Variants in GNAO1 observed in about 807,000 individuals in gnomAD.
GNAO1 encodes G protein subunit alpha o1.
For missense variants in GNAO1, 166 were observed against 478.7 expected, an observed-to-expected ratio of 0.35 and a Z score of 6.10; for synonymous variants, 164 against 180.7, an observed-to-expected ratio of 0.91 and a Z score of 0.74.
intron 4 of GNAO1, among the ~76,000 whole-genome samples, chr16:56,334,235 C>T (rs1406502872): frequency 6.6e-6 from 1 of 152,232 alleles, no homozygotes; most frequent in African/African-American, 2.4e-5. Flanking sequence ...TCAGGGGCCG[C>T]TGAAGCCCCA....
intron 2 of GNAO1, among the ~76,000 whole-genome samples, chr16:56,246,427 G>A (rs868399327): frequency 1.1e-4 from 16 of 152,212 alleles, no homozygotes; most frequent in African/African-American, 3.6e-4. Flanking sequence ...CCCGTTCACA[G>A]AAACACGGAT....
intron 6 of GNAO1, chr16:56,340,883 A>G (rs774390471): frequency 1.9e-6 from 3 of 1,613,976 alleles, no homozygotes; most frequent in Admixed American, 1.7e-5. Flanking sequence ...TGCAACAACA[A>G]ATGGTTCACA....
At chr16:56,247,201 A>G (rs1056213128) in intron 2 of GNAO1, among the ~76,000 whole-genome samples, 3 of 152,224 alleles carry the variant, frequency 2.0e-5, no homozygotes, top group African/African-American at 7.2e-5. Context: ...CCATCCAGGC[A>G]GAACAGAACT....
At chr16:56,298,965 G>A (rs1272310657) in intron 3 of GNAO1, among the ~76,000 whole-genome samples, 4 of 151,916 alleles carry the variant, frequency 2.6e-5, no homozygotes, top group Non-Finnish European at 4.4e-5. Context: ...ATATAAGGAC[G>A]GGGTGTCATG....
chr16:56,213,965 A>T (rs970399026), intron 2 of GNAO1, among the ~76,000 whole-genome samples: 1 of 151,986 alleles, frequency 6.6e-6, no homozygotes, highest in Non-Finnish European at 1.5e-5. Context: ...GGGCATTCAG[A>T]CTGTGTTATT....
At chr16:56,228,543 G>GA (rs2036556546) in intron 2 of GNAO1, among the ~76,000 whole-genome samples, 1 of 152,054 alleles carries the variant, frequency 6.6e-6, no homozygotes, top group Non-Finnish European at 1.5e-5. Flanking sequence ...ATCATAACTA[G>GA]AAATGTGATG....
At chr16:56,233,954 G>C (rs2036613891) in intron 2 of GNAO1, among the ~76,000 whole-genome samples, 2 of 152,322 alleles carry the variant, frequency 1.3e-5, no homozygotes, top group South Asian at 2.1e-4. Flanking sequence ...CCCAGATGCT[G>C]TGCTGACCCG....
chr16:56,228,010 A>G (rs140719915), intron 2 of GNAO1, among the ~76,000 whole-genome samples: 135 of 152,282 alleles, frequency 8.9e-4, no homozygotes, highest in African/African-American at 2.6e-3. Flanking sequence ...AGAAGCCTCC[A>G]TTCCCTGCCT....
chr16:56,348,853 C>T (rs2037897022), intron 6 of GNAO1, among the ~76,000 whole-genome samples: 1 of 152,138 alleles, frequency 6.6e-6, no homozygotes, highest in African/African-American at 2.4e-5. Context: ...AAGGCCCTCT[C>T]CCCATAAAAC....
At chr16:56,338,369 C>T (rs986980057) in intron 6 of GNAO1, among the ~76,000 whole-genome samples, 4 of 152,184 alleles carry the variant, frequency 2.6e-5, no homozygotes, top group Non-Finnish European at 5.9e-5. Context: ...AGGGTGGATG[C>T]GCTTCCTGGG....
At chr16:56,276,537 T>C (rs1369570494) in intron 3 of GNAO1, 1 of 154,818 alleles carries the variant, frequency 6.5e-6, no homozygotes, top group Non-Finnish European at 1.4e-5. Flanking sequence ...GGCTATGTTT[T>C]CTGCCTCCCC....
chr16:56,282,954 G>A (rs113179621), intron 3 of GNAO1, among the ~76,000 whole-genome samples: 1,698 of 152,036 alleles, frequency 0.011, 13 homozygotes, highest in Middle Eastern at 0.031. Context: ...AAGAAAGACC[G>A]GCGATCAGTG....
chr16:56,344,171 GC>G (rs1567493008), intron 6 of GNAO1: 2 of 1,429,130 alleles, frequency 1.4e-6, no homozygotes, highest in South Asian at 3.0e-5. Flanking sequence ...ATGCTGCAAG[GC>G]CAGGAGACTC....
rs191699168 is a variant in GNAO1 at position 56,193,858 on chromosome 16, T to C, written c.161+1242T>C. 8 of 352,260 alleles carry C rather than the reference T, an allele frequency of 2.3e-5. No homozygotes were observed. In the East Asian group the frequency reaches 4.5e-4, roughly 20 times the overall value. 21.8% of individuals were successfully genotyped at this position (352,260 alleles called of 1,614,324 possible). ...TCCACGTCGCTTTGCTGTGACACCT[T>C]CGTGCACACACAGCTCCTAATTAGG... On this transcript the variant is annotated intron_variant, in intron 2 of 8. Transcript: ENST00000262493.
At chr16:56,300,008 CGTGTGTGTGT>C (rs71381116) in intron 3 of GNAO1, among the ~76,000 whole-genome samples, 9 of 129,782 alleles carry the variant, frequency 6.9e-5, no homozygotes, top group African/African-American at 2.7e-4. Context: ...GATTGGGGTT[CGTGTGTGTGT>C]GTGTGTGTGT....
chr16:56,229,044 CTT>C (rs1385619900), intron 2 of GNAO1, among the ~76,000 whole-genome samples: 1 of 152,156 alleles, frequency 6.6e-6, no homozygotes, highest in Non-Finnish European at 1.5e-5. Flanking sequence ...AATGAATTAA[CTT>C]TTGTTTTATA....
Position 56,327,340 on chromosome 16 carries a change from C to A in GNAO1, c.304-1291C>A, listed in dbSNP as rs1269020140. The stretch of plus-strand genomic sequence containing the variant: ...CACCATTCTGTGGGCCACGGCGAGT[C>A]CTGTGCCATACTCAACATCAAGCAG... On this transcript the variant is annotated intron_variant, in intron 3 of 8. Coordinates refer to ENST00000262493, the MANE Select transcript of GNAO1 (RefSeq NM_020988.3). Among the ~76,000 whole-genome samples, 7 of 152,058 alleles carry A rather than the reference C, an allele frequency of 4.6e-5. No homozygotes were observed. The East Asian group carries it at 1.4e-3, about 29-fold the overall frequency.
chr16:56,193,865 C>T, intron 2 of GNAO1: 1 of 353,524 alleles, frequency 2.8e-6, no homozygotes, highest in South Asian at 2.1e-5. Context: ...CCTTCGTGCA[C>T]ACACAGCTCC....
chr16:56,311,782 G>A lies in GNAO1; in HGVS notation c.304-16849G>A, dbSNP rs7188024. On this transcript the variant is annotated intron_variant, in intron 3 of 8. Coordinates refer to ENST00000262493, the MANE Select transcript of GNAO1 (RefSeq NM_020988.3). The surrounding 1 kb of genome is among the most constrained non-coding windows in gnomAD (Gnocchi z 5.2). ...GTCCACCTCCTGCCCCGCCCAGCAC[G>A]GCCCGCTGGGACCTCCTTGCCTGGC... is the stretch of plus-strand genomic sequence containing the variant. Among the ~76,000 whole-genome samples, 65 of 152,150 alleles carry A rather than the reference G, an allele frequency of 4.3e-4. No individual in the cohort carries two copies. The highest frequency in any genetic ancestry group is 1.4e-3 in the African/African-American group (59 of 41,500).
Sources: gnomAD v4.1 joint callset for allele counts (sites outside exome capture counted in the v4.1 genomes callset) on GRCh38, gnomAD v4.1.1 for gene constraint, Gnocchi (gnomAD v3.1) non-coding constraint, MANE v1.5 for transcripts, NCBI Gene and HGNC (gene_info 2026-07-23, HGNC 2026-07-21) for gene names.